CIMIP5: variants seen among roughly 807,000 people sequenced by gnomAD.
CIMIP5 encodes the protein uncharacterized protein C2orf50.
chr2:11,134,573 A>C, the CIMIP5 span, among the ~76,000 whole-genome samples: 1 of 152,172 alleles, frequency 6.6e-6, no homozygotes, highest in African/African-American at 2.4e-5. Flanking sequence ...GGAATTGTGC[A>C]ATATTTGACT....
At chr2:11,151,663 G>T in the CIMIP5 span, among the ~76,000 whole-genome samples, 2 of 152,218 alleles carry the variant, frequency 1.3e-5, no homozygotes, top group Admixed American at 6.5e-5. Context: ...ACGGAGTCTC[G>T]CTCTGTCACC....
chr2:11,134,444 C>G, the CIMIP5 span, among the ~76,000 whole-genome samples: 1 of 152,188 alleles, frequency 6.6e-6, no homozygotes, highest in African/African-American at 2.4e-5. Flanking sequence ...ATTCATCTTG[C>G]ACCACTGAAA....
the CIMIP5 span, among the ~76,000 whole-genome samples, chr2:11,134,643 C>T: frequency 6.6e-6 from 1 of 152,222 alleles, no homozygotes; most frequent in African/African-American, 2.4e-5. Flanking sequence ...TTGCATATCG[C>T]AGAATTTCCT....
chr2:11,149,391 A>C, the CIMIP5 span, among the ~76,000 whole-genome samples: 2 of 152,054 alleles, frequency 1.3e-5, no homozygotes, highest in Non-Finnish European at 2.9e-5. Context: ...TCTGCCAAAG[A>C]GTTGGCCTTG....
the CIMIP5 span, among the ~76,000 whole-genome samples, chr2:11,138,404 A>G: frequency 6.6e-6 from 1 of 152,252 alleles, no homozygotes; most frequent in Non-Finnish European, 1.5e-5. Flanking sequence ...AAAACGATAC[A>G]TATCAATTTA....
chr2:11,149,794 A>G, the CIMIP5 span, among the ~76,000 whole-genome samples: 3 of 152,226 alleles, frequency 2.0e-5, no homozygotes, highest in African/African-American at 7.2e-5. Context: ...GAAGTGATTC[A>G]GCCCGTGATC....
At chr2:11,153,924 C>G in the CIMIP5 span, among the ~76,000 whole-genome samples, 1 of 139,388 alleles carries the variant, frequency 7.2e-6, no homozygotes, top group Non-Finnish European at 1.6e-5. Context: ...AACTCCGTCT[C>G]AAAAAAAAAA....
At chr2:11,137,797 G>A in the CIMIP5 span, among the ~76,000 whole-genome samples, 1 of 152,234 alleles carries the variant, frequency 6.6e-6, no homozygotes. Flanking sequence ...GTGGGAGCAG[G>A]AGGATATGGG....
chr2:11,146,037 G>C, the CIMIP5 span: 1 of 152,156 alleles, frequency 6.6e-6, no homozygotes, highest in Non-Finnish European at 1.5e-5. Flanking sequence ...TTAATGCCAG[G>C]CCTCAAGCTT....
At chr2:11,146,901 C>T in the CIMIP5 span, 1 of 152,224 alleles carries the variant, frequency 6.6e-6, no homozygotes, top group Non-Finnish European at 1.5e-5. Flanking sequence ...TGCCCTGAGC[C>T]TGCCTTATAT....
chr2:11,152,877 C>G, the CIMIP5 span, among the ~76,000 whole-genome samples: 3 of 152,194 alleles, frequency 2.0e-5, no homozygotes, highest in Non-Finnish European at 4.4e-5. Flanking sequence ...CAACCTAGGA[C>G]CGCCCCCATC....
At chr2:11,152,394 C>T in the CIMIP5 span, among the ~76,000 whole-genome samples, 3 of 152,316 alleles carry the variant, frequency 2.0e-5, no homozygotes, top group Non-Finnish European at 2.9e-5. Context: ...GTTGGTTCAG[C>T]CTATGCCCAG....
chr2:11,148,461 A>G, the CIMIP5 span, among the ~76,000 whole-genome samples: 1 of 152,050 alleles, frequency 6.6e-6, no homozygotes, highest in Non-Finnish European at 1.5e-5. Context: ...CGGAAAGTAC[A>G]AGGCGAGCCT....
At chr2:11,142,786 C>A in the CIMIP5 span, among the ~76,000 whole-genome samples, 7 of 137,352 alleles carry the variant, frequency 5.1e-5, no homozygotes, top group African/African-American at 1.9e-4. Flanking sequence ...GTAGCATGAT[C>A]ATGGCTCACT....
the CIMIP5 span, among the ~76,000 whole-genome samples, chr2:11,153,849 C>T: frequency 4.0e-5 from 6 of 149,212 alleles, no homozygotes; most frequent in East Asian, 2.0e-4. Flanking sequence ...ACTTGAACCC[C>T]GGAGGTGGAG....
chr2:11,139,171 G>A, the CIMIP5 span, among the ~76,000 whole-genome samples: 1 of 152,162 alleles, frequency 6.6e-6, no homozygotes, highest in Non-Finnish European at 1.5e-5. Flanking sequence ...ACCCACCTTA[G>A]CTTCCCAAAG....
chr2:11,145,151 T>C, the CIMIP5 span: 1 of 152,178 alleles, frequency 6.6e-6, no homozygotes, highest in Non-Finnish European at 1.5e-5. Flanking sequence ...GCCTGGCTAA[T>C]TTTTTGTATT....
At chr2:11,149,016 G>A in the CIMIP5 span, among the ~76,000 whole-genome samples, 74,946 of 151,826 alleles carry the variant, frequency 0.49, 22,184 homozygotes, top group Non-Finnish European at 0.66. Context: ...TTACAGACAT[G>A]AGCCACTGCG....
At chr2:11,138,894 CCTT>C in the CIMIP5 span, among the ~76,000 whole-genome samples, 1 of 151,972 alleles carries the variant, frequency 6.6e-6, no homozygotes, top group Non-Finnish European at 1.5e-5. Context: ...GCCAATTACA[CCTT>C]CTTTTTTTTA....
Sources: allele counts gnomAD v4.1 joint callset (sites outside exome capture counted in the v4.1 genomes callset), GRCh38; gene constraint gnomAD v4.1.1; transcripts MANE v1.5; gene names NCBI Gene and HGNC (gene_info 2026-07-23, HGNC 2026-07-21).